The following ENTREP2 variants were observed in gnomAD, a reference collection of about 807,000 sequenced individuals.
ENTREP2 encodes endosomal transmembrane epsin interactor 2.
At chr15:29,296,104 C>G in the ENTREP2 span, among the ~76,000 whole-genome samples, 1 of 152,206 alleles carries the variant, frequency 6.6e-6, no homozygotes, top group Non-Finnish European at 1.5e-5. Flanking sequence ...CCCTGGGTCT[C>G]CAGTCTGCTG....
the ENTREP2 span, among the ~76,000 whole-genome samples, chr15:29,372,780 T>C: frequency 1.3e-5 from 2 of 152,118 alleles, no homozygotes; most frequent in African/African-American, 2.4e-5. Flanking sequence ...AATGAACTGA[T>C]AGATTCATTA....
At chr15:29,154,353 C>G in the ENTREP2 span, among the ~76,000 whole-genome samples, 2 of 152,090 alleles carry the variant, frequency 1.3e-5, no homozygotes, top group Admixed American at 1.3e-4. Context: ...TGAAAGCAGA[C>G]ATCTCCATCT....
At chr15:29,145,622 CAA>C in the ENTREP2 span, among the ~76,000 whole-genome samples, 7 of 58,248 alleles carry the variant, frequency 1.2e-4, no homozygotes, top group Admixed American at 7.2e-4. Flanking sequence ...GACTCCATCT[CAA>C]AAAAAAAAAA....
At chr15:29,419,952 C>T in the ENTREP2 span, among the ~76,000 whole-genome samples, 3 of 151,904 alleles carry the variant, frequency 2.0e-5, no homozygotes, top group East Asian at 1.9e-4. Context: ...CAAATAAGGA[C>T]GAAGAAATGA....
At chr15:29,561,000 T>TACCACAGAAGACCATGTGACCACAAA in the ENTREP2 span, among the ~76,000 whole-genome samples, 6 of 2,314 alleles carry the variant, frequency 2.6e-3, no homozygotes, top group African/African-American at 0.032. Context: ...GTTGAGTAGT[T>TACCACAGAAGACCATGTGACCACAAA]GCCACATCAC....
chr15:29,177,370 C>T, the ENTREP2 span, among the ~76,000 whole-genome samples: 15 of 152,194 alleles, frequency 9.9e-5, no homozygotes, highest in African/African-American at 1.7e-4. Flanking sequence ...TGGAATAGAA[C>T]ATAAATGCAT....
the ENTREP2 span, among the ~76,000 whole-genome samples, chr15:29,491,056 T>C: frequency 0.041 from 6,165 of 152,076 alleles, 398 homozygotes; most frequent in African/African-American, 0.14. Context: ...AGAATTCGAG[T>C]GTGGCACAGG....
chr15:29,322,207 C>T, the ENTREP2 span, among the ~76,000 whole-genome samples: 1 of 152,070 alleles, frequency 6.6e-6, no homozygotes, highest in African/African-American at 2.4e-5. Flanking sequence ...TTGAAATACG[C>T]ATACATTGTT....
the ENTREP2 span, among the ~76,000 whole-genome samples, chr15:29,385,466 C>T: frequency 6.6e-6 from 1 of 152,208 alleles, no homozygotes; most frequent in Non-Finnish European, 1.5e-5. Flanking sequence ...AATTCTCCTA[C>T]ACAAAGCAAA....
At chr15:29,623,397 G>A in the ENTREP2 span, among the ~76,000 whole-genome samples, 2 of 152,188 alleles carry the variant, frequency 1.3e-5, no homozygotes, top group African/African-American at 4.8e-5. Context: ...CAAAGCTGAG[G>A]ACATTAACAC....
At chr15:29,231,411 A>G in the ENTREP2 span, among the ~76,000 whole-genome samples, 2 of 152,182 alleles carry the variant, frequency 1.3e-5, no homozygotes, top group Non-Finnish European at 2.9e-5. Context: ...CACTGATGTA[A>G]AAAATCTGAG....
chr15:29,318,627 G>A, the ENTREP2 span, among the ~76,000 whole-genome samples: 1 of 152,062 alleles, frequency 6.6e-6, no homozygotes. Context: ...GCCAAATTAA[G>A]GTATGTACAC....
chr15:29,214,690 T>TAAA, the ENTREP2 span, among the ~76,000 whole-genome samples: 62 of 141,746 alleles, frequency 4.4e-4, no homozygotes, highest in South Asian at 1.5e-3. Flanking sequence ...AGTATAATAA[T>TAAA]AAAAAAAAAA....
the ENTREP2 span, among the ~76,000 whole-genome samples, chr15:29,428,196 T>C: frequency 6.6e-5 from 10 of 152,170 alleles, no homozygotes; most frequent in Non-Finnish European, 1.3e-4. Context: ...GAGACTCCGA[T>C]ACACTCAAAA....
chr15:29,537,260 C>G, the ENTREP2 span, among the ~76,000 whole-genome samples: 2 of 152,168 alleles, frequency 1.3e-5, no homozygotes, highest in African/African-American at 4.8e-5. Flanking sequence ...CCACTAGAGT[C>G]CACGCACCGC....
chr15:29,423,315 T>C, the ENTREP2 span, among the ~76,000 whole-genome samples: 10 of 152,296 alleles, frequency 6.6e-5, no homozygotes, highest in African/African-American at 2.4e-4. Flanking sequence ...AGGGTTTTTT[T>C]CCTTCACAAT....
the ENTREP2 span, chr15:29,136,893 C>T: frequency 9.2e-3 from 7,046 of 765,176 alleles, 369 homozygotes; most frequent in African/African-American, 0.11. Flanking sequence ...ACGGGGAACG[C>T]TGTATGTCTA....
chr15:29,571,307 G>A, the ENTREP2 span, among the ~76,000 whole-genome samples: 2 of 152,268 alleles, frequency 1.3e-5, no homozygotes, highest in South Asian at 2.1e-4. Flanking sequence ...GCGCGGAGGG[G>A]CCCGATAGCG....
At chr15:29,407,172 C>T in the ENTREP2 span, among the ~76,000 whole-genome samples, 53 of 152,300 alleles carry the variant, frequency 3.5e-4, no homozygotes, top group Middle Eastern at 3.4e-3. Context: ...CTGTATGGTA[C>T]GGCCTACTGC....
Sources: allele counts gnomAD v4.1 joint callset (sites outside exome capture counted in the v4.1 genomes callset), GRCh38; gene constraint gnomAD v4.1.1; transcripts MANE v1.5; gene names NCBI Gene and HGNC (gene_info 2026-07-23, HGNC 2026-07-21).